The following ENOX1 variants were observed in gnomAD, a reference collection of about 807,000 sequenced individuals.
ENOX1 encodes candidate growth-related and time keeping constitutive hydroquinone (NADH) oxidase.
A neutral mutation model predicts 82.5 loss-of-function variants in ENOX1; 42 were observed. The ratio of observed to expected loss-of-function variants is 0.51; its 90% CI spans 0.40 to 0.66. The LOEUF is 0.66. ENOX1 is among the 30% of genes least tolerant of loss of function. The pLI, the probability that ENOX1 is intolerant of heterozygous loss-of-function variation, is 0.00. For synonymous variants in ENOX1, 271 were observed against 282.2 expected (o/e 0.96, Z 0.40); for missense variants, 608 against 811.6 (o/e 0.75, Z 3.05).
intron 2 of ENOX1, among the ~76,000 whole-genome samples, chr13:43,595,769 T>C (rs1011463055): frequency 2.0e-5 from 3 of 152,162 alleles, no homozygotes; most frequent in Non-Finnish European, 4.4e-5. Context: ...AGAGCTAAAA[T>C]AAAGGCTAAG....
chr13:43,581,201 C>T (rs1438606325), intron 2 of ENOX1, among the ~76,000 whole-genome samples: 3 of 127,308 alleles, frequency 2.4e-5, no homozygotes, highest in Admixed American at 9.7e-5. Flanking sequence ...GGCGGGATCT[C>T]GGCTCACTGC....
At chr13:43,667,218 C>T (rs1391068409) in intron 2 of ENOX1, among the ~76,000 whole-genome samples, 1 of 152,098 alleles carries the variant, frequency 6.6e-6, no homozygotes, top group Non-Finnish European at 1.5e-5. Context: ...TATGAAAACT[C>T]TATAGAAGTT....
chr13:43,443,600 C>A (rs1298168959), intron 3 of ENOX1, among the ~76,000 whole-genome samples: 1 of 152,056 alleles, frequency 6.6e-6, no homozygotes, highest in Non-Finnish European at 1.5e-5. Context: ...ACTGTGCTGG[C>A]AGGACAGACA....
intron 12 of ENOX1, among the ~76,000 whole-genome samples, chr13:43,276,845 A>G (rs1404075388): frequency 6.6e-6 from 1 of 152,038 alleles, no homozygotes; most frequent in Non-Finnish European, 1.5e-5. Context: ...GAAAAAAAGA[A>G]TTGAACTAGC....
chr13:43,427,894 T>C (rs1049603800), intron 3 of ENOX1, among the ~76,000 whole-genome samples: 3 of 152,154 alleles, frequency 2.0e-5, no homozygotes, highest in Non-Finnish European at 4.4e-5. Flanking sequence ...CTGCTAGACA[T>C]CTGCTTCTAA....
At chr13:43,233,170 T>C (rs1255677824) in intron 15 of ENOX1, among the ~76,000 whole-genome samples, 1 of 152,192 alleles carries the variant, frequency 6.6e-6, no homozygotes, top group Non-Finnish European at 1.5e-5. Flanking sequence ...TGAAACAAAA[T>C]GCTACCCTGC....
intron 2 of ENOX1, among the ~76,000 whole-genome samples, chr13:43,549,976 G>C (rs751402790): frequency 1.6e-4 from 24 of 152,176 alleles, no homozygotes; most frequent in Non-Finnish European, 3.2e-4. Flanking sequence ...ACAGATGGCA[G>C]CAGGGGGATG....
intron 16 of ENOX1, among the ~76,000 whole-genome samples, chr13:43,214,661 G>GT (rs2153447435): frequency 2.0e-5 from 3 of 152,216 alleles, no homozygotes; most frequent in African/African-American, 7.2e-5. Flanking sequence ...AACAATACAA[G>GT]TCTTGATATC....
At chr13:43,695,245 TA>T (rs34890937) in intron 1 of ENOX1, among the ~76,000 whole-genome samples, 14,083 of 143,832 alleles carry the variant, frequency 0.098, 1,048 homozygotes, top group East Asian at 0.29. Context: ...AGCTCATATT[TA>T]AAAAAAAAAA....
intron 2 of ENOX1, among the ~76,000 whole-genome samples, chr13:43,633,892 A>T (rs1368513292): frequency 1.3e-5 from 2 of 152,142 alleles, no homozygotes; most frequent in East Asian, 3.8e-4. Flanking sequence ...TAAAAGTTTT[A>T]ATTTCAAATA....
At chr13:43,616,166 C>CTATAGATATCTATAGATATATAGA (rs1566641724) in intron 2 of ENOX1, among the ~76,000 whole-genome samples, 2 of 9,266 alleles carry the variant, frequency 2.2e-4, no homozygotes, top group Non-Finnish European at 6.2e-4. Flanking sequence ...AGATATCTAT[C>CTATAGATATCTATAGATATATAGA]TATCTATCTA....
intron 15 of ENOX1, among the ~76,000 whole-genome samples, chr13:43,228,754 T>G (rs1348586617): frequency 6.6e-6 from 1 of 152,232 alleles, no homozygotes; most frequent in Non-Finnish European, 1.5e-5. Flanking sequence ...CAGCATTGTA[T>G]AAGATAGGCA....
chr13:43,771,469 T>G (rs1306115141), intron 1 of ENOX1, among the ~76,000 whole-genome samples: 1 of 150,348 alleles, frequency 6.7e-6, no homozygotes, highest in South Asian at 2.1e-4. Flanking sequence ...GTGACCTCTT[T>G]CAGTTCTACA....
intron 2 of ENOX1, among the ~76,000 whole-genome samples, chr13:43,594,687 A>G (rs557583450): frequency 7.0e-4 from 106 of 152,308 alleles, no homozygotes; most frequent in Non-Finnish European, 1.4e-3. Context: ...AAAGAGGGAG[A>G]GAACTTACTT....
chr13:43,468,287 T>C (rs1483615928), intron 3 of ENOX1, among the ~76,000 whole-genome samples: 1 of 151,890 alleles, frequency 6.6e-6, no homozygotes, highest in East Asian at 1.9e-4. Context: ...GTTCAAGCAA[T>C]TCTCCTGCCT....
At position 43,713,152 on chromosome 13, in the gene ENOX1, C is replaced by G. The variant is rs373342711; in HGVS notation, c.-284-45608G>C. ...TGTTGAATTTTGTCAAAGGCCTTTT[C>G]TGCATCTATTGAGATAATTATGTGG... On this transcript the variant is annotated intron_variant, in intron 1 of 16. Transcript: ENST00000690772. Among the ~76,000 whole-genome samples, 271 of 152,250 alleles carry G rather than the reference C, an allele frequency of 1.8e-3. 1 individual carries two copies. Among genetic ancestry groups the G allele is most frequent in the East Asian group, 0.014 (73 of 5,184 alleles).
chr13:43,538,475 T>G (rs1031926150), intron 2 of ENOX1, among the ~76,000 whole-genome samples: 1 of 152,052 alleles, frequency 6.6e-6, no homozygotes, highest in Non-Finnish European at 1.5e-5. Flanking sequence ...TGTTGAATTT[T>G]AATAAATACT....
At chr13:43,349,308 T>C (rs6561120) in intron 8 of ENOX1, among the ~76,000 whole-genome samples, 1 of 152,012 alleles carries the variant, frequency 6.6e-6, no homozygotes, top group Non-Finnish European at 1.5e-5. Flanking sequence ...CAAGGCCCTC[T>C]GCAGTGAGGC....
At chr13:43,615,173 T>C (rs2153741649) in intron 2 of ENOX1, among the ~76,000 whole-genome samples, 1 of 152,296 alleles carries the variant, frequency 6.6e-6, no homozygotes, top group East Asian at 1.9e-4. Flanking sequence ...TATAGGGCCT[T>C]GAGACATCAG....
Sources: gnomAD v4.1 joint callset for allele counts (sites outside exome capture counted in the v4.1 genomes callset) on GRCh38, gnomAD v4.1.1 for gene constraint, MANE v1.5 for transcripts, NCBI Gene and HGNC (gene_info 2026-07-23, HGNC 2026-07-21) for gene names.